Variants in RELN observed in about 807,000 individuals in gnomAD.
The protein encoded by RELN is reelin.
RELN carries 108 observed loss-of-function variants against 427.6 expected under a neutral mutation model. That is an observed-to-expected ratio of 0.25 (90% confidence interval 0.22 to 0.30). The LOEUF (loss-of-function observed/expected upper bound fraction) is 0.30. Among genes scored for constraint, RELN ranks in the 10% least tolerant of loss-of-function variants. RELN has a pLI of 1.00. For synonymous variants in RELN, 1,524 were observed against 1,513.4 expected, an observed-to-expected ratio of 1.01 and a Z score of -0.16; for missense variants, 3,715 against 4,302.8, an observed-to-expected ratio of 0.86 and a Z score of 3.82.
At chr7:103,872,030 A>ATTTTTTT (rs1554434458) in intron 2 of RELN, among the ~76,000 whole-genome samples, 7 of 138,404 alleles carry the variant, frequency 5.1e-5, no homozygotes, top group Non-Finnish European at 7.9e-5. Context: ...ATATATATAT[A>ATTTTTTT]TTTTTCTTTT....
chr7:103,502,132 A>G (rs935677922), intron 52 of RELN, among the ~76,000 whole-genome samples: 1 of 152,204 alleles, frequency 6.6e-6, no homozygotes, highest in African/African-American at 2.4e-5. Flanking sequence ...TTCGTTCATT[A>G]TAGATATAAC....
intron 1 of RELN, among the ~76,000 whole-genome samples, chr7:103,974,404 A>G (rs1796829082): frequency 6.6e-6 from 1 of 152,190 alleles, no homozygotes; most frequent in Non-Finnish European, 1.5e-5. Flanking sequence ...ACTACCACAA[A>G]TCCCTGAGAG....
chr7:103,686,945 C>T (rs1374228070), intron 10 of RELN, among the ~76,000 whole-genome samples: 1 of 152,040 alleles, frequency 6.6e-6, no homozygotes, highest in Non-Finnish European at 1.5e-5. Flanking sequence ...TAAATACAGT[C>T]CAGGTGCAGG....
At chr7:103,916,132 A>G (rs913762915) in intron 2 of RELN, among the ~76,000 whole-genome samples, 1 of 152,180 alleles carries the variant, frequency 6.6e-6, no homozygotes, top group Admixed American at 6.6e-5. Context: ...GCAAGCAGTG[A>G]CAATGCAGCA....
chr7:103,656,068 C>G (rs1294561944), intron 12 of RELN, among the ~76,000 whole-genome samples: 1 of 151,980 alleles, frequency 6.6e-6, no homozygotes, highest in Non-Finnish European at 1.5e-5. Flanking sequence ...GAGACCTGTA[C>G]AGTTGACTGC....
rs1797184218 is a variant in RELN at position 103,989,574 on chromosome 7, C to G, written c.-218G>C. 2 of 395,588 alleles carry G rather than the reference C, an allele frequency of 5.1e-6. No homozygotes were observed. The highest frequency in any genetic ancestry group is 4.3e-6 in the Non-Finnish European group (1 of 232,432). The allele number at this position is 395,588 out of a possible 1,614,324, so 24.5% of individuals were successfully genotyped here. ...ACTTTGGGCCGCGGGAGCGCGGGAC[C>G]GGGGCTGCGGGCGCCGAGAGCGCGT... On this transcript the variant is annotated 5_prime_UTR_variant, in exon 1 of 65. Transcript: ENST00000428762. The surrounding 1 kb of genome is among the most constrained non-coding windows in gnomAD (Gnocchi z 4.9).
At chr7:103,934,072 G>T (rs1284758321) in intron 1 of RELN, among the ~76,000 whole-genome samples, 1 of 151,852 alleles carries the variant, frequency 6.6e-6, no homozygotes, top group Non-Finnish European at 1.5e-5. Flanking sequence ...TCCATACCAT[G>T]ACACTGTGGA....
intron 13 of RELN, among the ~76,000 whole-genome samples, chr7:103,653,065 T>C (rs1294512405): frequency 6.6e-6 from 1 of 152,050 alleles, no homozygotes; most frequent in East Asian, 1.9e-4. Flanking sequence ...TGTGTATCCA[T>C]TTTATTTAAT....
At chr7:103,712,950 T>C (rs1489242112) in intron 8 of RELN, among the ~76,000 whole-genome samples, 1 of 152,162 alleles carries the variant, frequency 6.6e-6, no homozygotes, top group African/African-American at 2.4e-5. Context: ...CACAGTAGAA[T>C]GCAATAGAAG....
chr7:103,668,687 A>G (rs564880533), intron 11 of RELN, among the ~76,000 whole-genome samples: 105 of 152,322 alleles, frequency 6.9e-4, no homozygotes, highest in African/African-American at 2.4e-3. Context: ...ATGGAATAGT[A>G]ACTTTTTGAA....
chr7:103,932,096 T>C (rs113609282), intron 1 of RELN, among the ~76,000 whole-genome samples: 10 of 152,198 alleles, frequency 6.6e-5, no homozygotes, highest in East Asian at 1.9e-4. Flanking sequence ...CATATGTTCA[T>C]TGAAGCACTA....
chr7:103,591,038 G>C (rs972260427), intron 27 of RELN, among the ~76,000 whole-genome samples: 1 of 152,222 alleles, frequency 6.6e-6, no homozygotes, highest in African/African-American at 2.4e-5. Context: ...GAGTCCAAAT[G>C]AATCAGTTTA....
rs189471379 is a variant in RELN at position 103,786,982 on chromosome 7, A to C, written c.474-10355T>G. On this transcript the variant is annotated intron_variant, in intron 3 of 64. Transcript: ENST00000428762. ...ACACTCCTCAGCAAATGGAAAAGAA[A>C]GGAAATCATAACAGTCTCTCAGACC... Among the ~76,000 whole-genome samples the C allele has an allele frequency of 3.6e-4, 55 of 152,038 alleles. No individual in the cohort carries two copies. The East Asian group carries it at 9.8e-3, about 27-fold the overall frequency.
In RELN at chr7:103,573,981, A is replaced by G. The variant is rs1005476104; in HGVS notation, c.4511+111T>C. 1.1e-5 allele frequency: 10 copies of G among 889,896 alleles called. No homozygotes were observed. In the East Asian group the frequency reaches 2.3e-4, roughly 20 times the overall value. 55.1% of individuals were successfully genotyped at this position (889,896 alleles called of 1,614,324 possible). ...TTTTTACATATCATAATCTATATAC[A>G]GAAACATTATTGTATATATTCCCAA... On this transcript the variant is annotated intron_variant, in intron 30 of 64. Transcript: ENST00000428762. This position sits in a 1 kb window ranked among gnomAD's most constrained non-coding sequence, Gnocchi z 4.4.
intron 1 of RELN, among the ~76,000 whole-genome samples, chr7:103,932,779 C>A (rs1795893863): frequency 6.6e-6 from 1 of 152,152 alleles, no homozygotes; most frequent in Admixed American, 6.5e-5. Flanking sequence ...TGGTGTAAAA[C>A]CCTTGCTTCA....
intron 2 of RELN, among the ~76,000 whole-genome samples, chr7:103,884,601 C>T (rs1185998406): frequency 6.6e-6 from 1 of 152,140 alleles, no homozygotes; most frequent in African/African-American, 2.4e-5. Flanking sequence ...AAACAAACCA[C>T]CCCATCAAAA....
intron 1 of RELN, among the ~76,000 whole-genome samples, chr7:103,922,699 G>A (rs563222974): frequency 6.6e-6 from 1 of 152,164 alleles, no homozygotes; most frequent in East Asian, 1.9e-4. Flanking sequence ...CATTCCCCAC[G>A]AGACCCTAAT....
chr7:103,913,711 C>T (rs1795420357), intron 2 of RELN, among the ~76,000 whole-genome samples: 1 of 151,854 alleles, frequency 6.6e-6, no homozygotes, highest in Non-Finnish European at 1.5e-5. Context: ...TCAAAAGTGG[C>T]CATTTTATTT....
At chr7:103,575,390 C>T (rs186976584) in intron 29 of RELN, among the ~76,000 whole-genome samples, 158 bp downstream of exon 29, 2 of 152,274 alleles carry the variant, frequency 1.3e-5, no homozygotes, top group African/African-American at 4.8e-5. Context: ...TACAAAATAT[C>T]CTAGCACCTC....
Sources: gnomAD v4.1 joint callset for allele counts (sites outside exome capture counted in the v4.1 genomes callset) on GRCh38, gnomAD v4.1.1 for gene constraint, Gnocchi (gnomAD v3.1) non-coding constraint, MANE v1.5 for transcripts, NCBI Gene and HGNC (gene_info 2026-07-23, HGNC 2026-07-21) for gene names.